LRFN2: variants seen among roughly 807,000 people sequenced by gnomAD.
The protein encoded by LRFN2 is leucine rich repeat and fibronectin type III domain containing 2, also known as leucine-rich repeat and fibronectin type-III domain-containing protein 2.
Under a neutral mutation model 37.3 loss-of-function variants are expected in LRFN2, and 18 were observed. That is an observed-to-expected ratio of 0.48 (90% CI 0.33 to 0.72). The LOEUF (loss-of-function observed/expected upper bound fraction) is 0.72, where lower values mean the gene tolerates loss of function less well. Ranked by LOEUF, LRFN2 falls within the 30% of genes least tolerant of loss-of-function variation. The probability of loss-of-function intolerance (pLI) is 0.02; values close to 1 mark genes in which losing one functional copy is unlikely to be tolerated. For synonymous variants in LRFN2, 556 were observed against 466.6 expected, an observed-to-expected ratio of 1.19 and a Z score of -2.47; for missense variants, 1,006 against 1,060.7, an observed-to-expected ratio of 0.95 and a Z score of 0.72.
chr6:40,544,936 C>T (rs1165658169), intron 1 of LRFN2, among the ~76,000 whole-genome samples: 1 of 152,174 alleles, frequency 6.6e-6, no homozygotes, highest in Non-Finnish European at 1.5e-5. Flanking sequence ...GGCAACTGAA[C>T]AAGTGCTGCC....
chr6:40,586,416 G>A (rs1437518765), intron 1 of LRFN2, among the ~76,000 whole-genome samples: 1 of 152,010 alleles, frequency 6.6e-6, no homozygotes, highest in Admixed American at 6.6e-5. Flanking sequence ...TGCCCTACCT[G>A]CCCCCACAAA....
intron 1 of LRFN2, among the ~76,000 whole-genome samples, chr6:40,545,873 C>T (rs73732708): frequency 0.024 from 3,662 of 152,262 alleles, 167 homozygotes; most frequent in African/African-American, 0.082. Context: ...AAAATATAAG[C>T]TTAATGAGGG....
At chr6:40,443,823 G>T (rs1763901807) in intron 1 of LRFN2, among the ~76,000 whole-genome samples, 1 of 152,184 alleles carries the variant, frequency 6.6e-6, no homozygotes, top group Admixed American at 6.5e-5. Flanking sequence ...ACAGAGGGGA[G>T]CTACTCAGCC....
chr6:40,537,009 T>C lies in LRFN2; in HGVS notation c.-19+49932A>G, dbSNP rs887548961. ...GTTATTATTATTCCTGTCTTCAAGGTAAGGAAACTGAGGCACGGAGGGTTG... is the reference window on the plus strand; with the variant it reads ...GTTATTATTATTCCTGTCTTCAAGGCAAGGAAACTGAGGCACGGAGGGTTG... On this transcript the variant is annotated intron_variant, in intron 1 of 2. Coordinates refer to ENST00000338305, the MANE Select transcript of LRFN2 (RefSeq NM_020737.3). Among the ~76,000 whole-genome samples the C allele has an allele frequency of 4.6e-5, 7 of 152,292 alleles. No homozygotes were observed. The East Asian group carries it at 1.4e-3, about 29-fold the overall frequency.
chr6:40,505,128 G>A (rs1250639915), intron 1 of LRFN2, among the ~76,000 whole-genome samples: 1 of 152,206 alleles, frequency 6.6e-6, no homozygotes, highest in East Asian at 1.9e-4. Context: ...TGTGTGGCAG[G>A]TTTCTTCTGG....
intron 2 of LRFN2, among the ~76,000 whole-genome samples, chr6:40,411,481 G>T (rs1379432815): frequency 1.3e-5 from 2 of 152,212 alleles, no homozygotes; most frequent in Non-Finnish European, 2.9e-5. Flanking sequence ...ACATGCACAG[G>T]TCGGGTGAAC....
intron 2 of LRFN2, among the ~76,000 whole-genome samples, chr6:40,430,138 T>C (rs1763445833): frequency 6.6e-6 from 1 of 152,222 alleles, no homozygotes; most frequent in Non-Finnish European, 1.5e-5. Context: ...TATGTGCACA[T>C]ATGCATGTGG....
chr6:40,429,181 AG>A (rs1763421147), intron 2 of LRFN2, among the ~76,000 whole-genome samples: 1 of 152,174 alleles, frequency 6.6e-6, no homozygotes, highest in African/African-American at 2.4e-5. Flanking sequence ...TTAGAAAGTT[AG>A]TGTCTCCAGG....
At chr6:40,571,632 C>T (rs1196554842) in intron 1 of LRFN2, among the ~76,000 whole-genome samples, 1 of 152,180 alleles carries the variant, frequency 6.6e-6, no homozygotes, top group African/African-American at 2.4e-5. Context: ...AATTTGGGCA[C>T]CCAATGTGGG....
chr6:40,560,984 T>C (rs1449319092), intron 1 of LRFN2, among the ~76,000 whole-genome samples: 1 of 152,156 alleles, frequency 6.6e-6, no homozygotes, highest in Non-Finnish European at 1.5e-5. Context: ...ATATGTGGAG[T>C]GTCCATCTGT....
intron 2 of LRFN2, among the ~76,000 whole-genome samples, chr6:40,412,275 T>G (rs1179289494): frequency 5.3e-5 from 8 of 152,130 alleles, no homozygotes; most frequent in Admixed American, 5.2e-4. Flanking sequence ...GAAGAAAAAT[T>G]TTCTGACCTT....
chr6:40,410,168 C>G (rs114315437), intron 2 of LRFN2, among the ~76,000 whole-genome samples: 4,427 of 152,184 alleles, frequency 0.029, 201 homozygotes, highest in African/African-American at 0.099. Context: ...GGTGGGGGAG[C>G]AGAGCCGTCC....
chr6:40,573,172 C>T (rs879731516), intron 1 of LRFN2, among the ~76,000 whole-genome samples: 1 of 152,210 alleles, frequency 6.6e-6, no homozygotes, highest in Non-Finnish European at 1.5e-5. Context: ...AGGAATTTGG[C>T]CTCTCTGAGC....
chr6:40,391,615 A>AT lies in LRFN2; in HGVS notation c.*327dup. 1 of 237,788 alleles carries AT rather than the reference A, an allele frequency of 4.2e-6. No homozygotes were observed. The allele number at this position is 237,788 out of a possible 1,614,324, so 14.7% of individuals were successfully genotyped here. ...AAATGGAAAAAAAATAAATTAAGAA[A>AT]TAAAAACAACACTAGACCCATAAGC... On this transcript the variant is annotated 3_prime_UTR_variant, in exon 3 of 3. Transcript: ENST00000338305.
chr6:40,574,513 C>T (rs1207930246), intron 1 of LRFN2, among the ~76,000 whole-genome samples: 2 of 152,046 alleles, frequency 1.3e-5, no homozygotes, highest in African/African-American at 4.8e-5. Flanking sequence ...TTGTGTCCAT[C>T]ACGGGGTGGG....
intron 1 of LRFN2, among the ~76,000 whole-genome samples, chr6:40,526,201 C>T (rs748249551): frequency 2.4e-4 from 37 of 152,216 alleles, no homozygotes; most frequent in Admixed American, 5.2e-4. Context: ...CTAGCAGAAC[C>T]GGGGTTGAAT....
At chr6:40,584,237 C>T (rs1453670459) in intron 1 of LRFN2, among the ~76,000 whole-genome samples, 1 of 152,204 alleles carries the variant, frequency 6.6e-6, no homozygotes, top group African/African-American at 2.4e-5. Context: ...ACTGAAGACT[C>T]TCCCAGATCT....
Position 40,565,271 on chromosome 6 carries a change from G to T in LRFN2, c.-19+21670C>A, listed in dbSNP as rs1017972899. Among the ~76,000 whole-genome samples, 3 of 152,210 alleles carry T rather than the reference G, an allele frequency of 2.0e-5. No individual in the cohort carries two copies. The East Asian group carries it at 5.8e-4, about 29-fold the overall frequency. On this transcript the variant is annotated intron_variant, in intron 1 of 2. Transcript: ENST00000338305. The stretch of plus-strand genomic sequence containing the variant: ...AATGGAAGAACATTCCATGCTCATG[G>T]GTAGGAAGAATCAATATCGTGAAAA...
chr6:40,565,613 T>C (rs1180679250), intron 1 of LRFN2, among the ~76,000 whole-genome samples: 2 of 152,058 alleles, frequency 1.3e-5, no homozygotes, highest in African/African-American at 4.8e-5. Context: ...TTGACAAACC[T>C]GACAAAAACA....
Sources: gnomAD v4.1 joint callset for allele counts (sites outside exome capture counted in the v4.1 genomes callset) on GRCh38, gnomAD v4.1.1 for gene constraint, MANE v1.5 for transcripts, NCBI Gene and HGNC (gene_info 2026-07-23, HGNC 2026-07-21) for gene names.